The following LAMA3 variants were observed in gnomAD, a reference collection of about 807,000 sequenced individuals.
LAMA3 encodes the protein laminin subunit alpha 3.
LAMA3 carries 281 observed loss-of-function variants against 402.0 expected under a neutral mutation model. The observed-to-expected ratio is 0.70, with a 90% confidence interval of 0.63 to 0.77. The LOEUF is 0.77. Among genes scored for constraint, LAMA3 ranks in the 30% least tolerant of loss-of-function variants. LAMA3 has a pLI of 0.00. For missense variants in LAMA3, 3,840 were observed against 4,215.5 expected (o/e 0.91, Z 2.47); for synonymous variants, 1,431 against 1,558.4 (o/e 0.92, Z 1.93).
At chr18:23,717,407 T>C (rs1642458346) in intron 2 of LAMA3, among the ~76,000 whole-genome samples, 1 of 152,210 alleles carries the variant, frequency 6.6e-6, no homozygotes, top group Non-Finnish European at 1.5e-5. Flanking sequence ...AATTTGATTT[T>C]GATGTGCTGT....
At chr18:23,727,018 T>C (rs1598657891) in intron 2 of LAMA3, among the ~76,000 whole-genome samples, 1 of 152,336 alleles carries the variant, frequency 6.6e-6, no homozygotes, top group East Asian at 1.9e-4. Flanking sequence ...TTTGCAGATA[T>C]TTTCTCCCAT....
At chr18:23,850,141 A>G (rs2063910947) in intron 32 of LAMA3, among the ~76,000 whole-genome samples, 1 of 152,246 alleles carries the variant, frequency 6.6e-6, no homozygotes, top group Non-Finnish European at 1.5e-5. Flanking sequence ...GTTTATGAGA[A>G]AAAGGAAAAC....
chr18:23,907,986 T>G (rs757765351), intron 54 of LAMA3, 51 bp downstream of exon 54: 11 of 1,574,400 alleles, frequency 7.0e-6, no homozygotes, highest in Non-Finnish European at 8.7e-6. Flanking sequence ...TCCATTGTTA[T>G]GTGTTTTGGT....
intron 8 of LAMA3, among the ~76,000 whole-genome samples, chr18:23,765,665 A>G (rs903261124): frequency 6.6e-5 from 10 of 152,192 alleles, no homozygotes; most frequent in African/African-American, 2.4e-4. Flanking sequence ...TTAGCAGTTA[A>G]GGATTTTAGA....
Position 23,921,010 on chromosome 18 carries a change from G to A in LAMA3, c.7999G>A (p.Glu2667Lys). The A allele has an allele frequency of 1.2e-6, 2 of 1,614,148 alleles. No individual in the cohort carries two copies. The highest frequency in any genetic ancestry group is 1.7e-6 in the Non-Finnish European group (2 of 1,180,020). ...CAAACTGAATTCAGAGCTACCAAAA[G>A]AGAGAGGAGTTGGAGACGCCATAAA... ...RYKLNSELPK[E>K]RGVGDAINNG... Residue 2667 changes from glutamate to lysine, a missense_variant, in exon 61 of 75, where the codon GAG (glutamate) becomes AAG (lysine). Physicochemically the swap from Glu to Lys is moderately conservative, Grantham distance 56. Transcript: ENST00000313654.
chr18:23,690,641 A>G (rs2060566794), intron 1 of LAMA3, among the ~76,000 whole-genome samples: 1 of 151,944 alleles, frequency 6.6e-6, no homozygotes, highest in Non-Finnish European at 1.5e-5. Flanking sequence ...GCCCTTACTC[A>G]CAGGTCTCAG....
chr18:23,908,045 T>C, intron 54 of LAMA3, 110 bp downstream of exon 54: 1 of 1,023,198 alleles, frequency 9.8e-7, no homozygotes, highest in Non-Finnish European at 1.5e-6. Context: ...ACTAAAACAT[T>C]AGAAAACAGC....
At chr18:23,888,229 C>T (rs2080504784) in intron 41 of LAMA3, among the ~76,000 whole-genome samples, 1 of 152,148 alleles carries the variant, frequency 6.6e-6, no homozygotes, top group South Asian at 2.1e-4. Context: ...AGCCTAGTTA[C>T]CTTCTGGATT....
intron 64 of LAMA3, among the ~76,000 whole-genome samples, chr18:23,930,501 AC>A (rs2082131077): frequency 6.7e-6 from 1 of 149,966 alleles, no homozygotes; most frequent in Admixed American, 6.6e-5. Context: ...TAATCCCAGC[AC>A]CTTGGGAGGC....
Position 23,912,867 on chromosome 18 carries a change from C to G in LAMA3, c.7315C>G (p.Leu2439Val). 2 of 1,613,772 alleles carry G rather than the reference C, an allele frequency of 1.2e-6. No homozygotes were observed. Among genetic ancestry groups the G allele is most frequent in the Non-Finnish European group, 1.7e-6 (2 of 1,179,748 alleles). The change falls in exon 56 of 75, where the codon CTT becomes GTT. Residue 2439 changes from leucine to valine, a missense_variant. Physicochemically the swap from Leu to Val is conservative, Grantham distance 32. This residue lies in a region of LAMA3 where 891 missense variants were observed against 857.5 expected (regional missense o/e 1.04). Transcript: ENST00000313654. ...GGTENMFVMY[L>V]GNKDASRDYI... ...TACTGAGAATATGTTTGTGATGTAC[C>G]TTGGAAATAAAGATGTAAGTATTGC...
intron 39 of LAMA3, 58 bp from the exon 40 acceptor site, chr18:23,881,878 A>G: frequency 9.0e-7 from 1 of 1,105,672 alleles, no homozygotes; most frequent in Non-Finnish European, 1.4e-6. Flanking sequence ...GATTACAATA[A>G]TCTCAGAAGT....
chr18:23,889,723 A>AG lies in LAMA3; in HGVS notation c.5304-287dup, dbSNP rs1264376756. Reference sequence around the variant, plus strand: ...GAGGGAGGAAGGGAGGAAGGAAGGAAGAAAGGAAGGAAAGGAAGGAAGAAA... The same window carrying AG: ...GAGGGAGGAAGGGAGGAAGGAAGGAAGGAAAGGAAGGAAAGGAAGGAAGAAA... On this transcript the variant is annotated intron_variant, in intron 41 of 74. Coordinates refer to ENST00000313654, the MANE Select transcript of LAMA3 (RefSeq NM_198129.4). Among the ~76,000 whole-genome samples, 30 of 123,190 alleles carry AG rather than the reference A, an allele frequency of 2.4e-4. No homozygotes were observed. The East Asian group carries it at 2.7e-3, about 11-fold the overall frequency. 80.8% of individuals were successfully genotyped at this position (123,190 alleles called of 152,430 possible).
In LAMA3 at chr18:23,903,952, C is replaced by T. The variant is rs759487584; in HGVS notation, c.6338C>T (p.Ala2113Val). Residue 2113 changes from alanine (A) to valine (V), a missense_variant, in exon 50 of 75, where the codon GCC becomes GTC. Physicochemically the swap from Ala to Val is moderately conservative, Grantham distance 64 (BLOSUM62 0). Coordinates refer to ENST00000313654, the MANE Select transcript of LAMA3 (RefSeq NM_198129.4). ...KSQKEYEKLA[A>V]SLNEARQELS... The stretch of plus-strand genomic sequence containing the variant: ...AAATAGGAATATGAAAAATTAGCTG[C>T]CAGTTTAAATGAAGCAAGACAAGAA... 1 of 1,613,042 alleles carries T rather than the reference C, an allele frequency of 6.2e-7. No individual in the cohort carries two copies. The highest frequency in any genetic ancestry group is 1.1e-5 in the South Asian group (1 of 91,054).
At chr18:23,878,535 A>G (rs960234655) in intron 39 of LAMA3, among the ~76,000 whole-genome samples, 1 of 152,210 alleles carries the variant, frequency 6.6e-6, no homozygotes, top group African/African-American at 2.4e-5. Context: ...CCATGTCTGC[A>G]CTCAGCTAAC....
chr18:23,695,480 G>A (rs1249831815), intron 1 of LAMA3, among the ~76,000 whole-genome samples: 1 of 152,052 alleles, frequency 6.6e-6, no homozygotes, highest in Non-Finnish European at 1.5e-5. Context: ...TAAAAAGAAT[G>A]AGAAGAGCTC....
At chr18:23,820,031 A>G in intron 19 of LAMA3, 34 bp downstream of exon 19, 2 of 1,611,996 alleles carry the variant, frequency 1.2e-6, no homozygotes, top group Non-Finnish European at 8.5e-7. Flanking sequence ...TTCATGGCTG[A>G]GTAGCTCAGA....
At chr18:23,757,641 C>G (rs2061877788) in intron 6 of LAMA3, among the ~76,000 whole-genome samples, 2 of 152,192 alleles carry the variant, frequency 1.3e-5, no homozygotes, top group Non-Finnish European at 2.9e-5. Context: ...AGGAACGACT[C>G]CTGCTCCACA....
rs111575355 is a variant in LAMA3, at chr18:23,752,857, C to T, written c.856-864C>T. Reference sequence around the variant, plus strand: ...AGGGACAAAAACCCTCTTGTCCTTGCGAATTCAAAGACTTCTTGCTGACAG... The same window carrying T: ...AGGGACAAAAACCCTCTTGTCCTTGTGAATTCAAAGACTTCTTGCTGACAG... On this transcript the variant is annotated intron_variant, in intron 5 of 74. Coordinates refer to ENST00000313654, the MANE Select transcript of LAMA3 (RefSeq NM_198129.4). Among the ~76,000 whole-genome samples, 926 of 152,332 alleles carry T rather than the reference C, an allele frequency of 6.1e-3. 8 individuals carry two copies. Among genetic ancestry groups the T allele is most frequent in the African/African-American group, 0.021 (887 of 41,586 alleles).
chr18:23,878,709 CT>C (rs1237157135), intron 39 of LAMA3, among the ~76,000 whole-genome samples: 1 of 152,226 alleles, frequency 6.6e-6, no homozygotes, highest in African/African-American at 2.4e-5. Flanking sequence ...TGACCTCCAC[CT>C]CTCAAGGTCC....
Sources: allele counts gnomAD v4.1 joint callset (sites outside exome capture counted in the v4.1 genomes callset), GRCh38; gene constraint gnomAD v4.1.1; regional missense constraint gnomAD v4.1.1; transcripts MANE v1.5; gene names NCBI Gene and HGNC (gene_info 2026-07-23, HGNC 2026-07-21).